ZNF385D: variants seen among roughly 807,000 people sequenced by gnomAD.
ZNF385D encodes the protein zinc finger protein 385D.
A neutral mutation model predicts 35.8 loss-of-function variants in ZNF385D; 15 were observed. The observed-to-expected ratio is 0.42, with a 90% CI of 0.28 to 0.64. The LOEUF (loss-of-function observed/expected upper bound fraction) is 0.64, where lower values mean the gene tolerates loss of function less well. Among genes scored for constraint, ZNF385D ranks in the 30% least tolerant of loss-of-function variants. The pLI, the probability that ZNF385D is intolerant of heterozygous loss-of-function variation, is 0.23. For synonymous variants in ZNF385D, 212 were observed against 186.8 expected (o/e 1.13, Z -1.10); for missense variants, 474 against 494.6 (o/e 0.96, Z 0.39).
At chr3:22,002,724 T>G (rs1695931587) in intron 3 of ZNF385D, among the ~76,000 whole-genome samples, 1 of 151,982 alleles carries the variant, frequency 6.6e-6, no homozygotes, top group Non-Finnish European at 1.5e-5. Flanking sequence ...CAACAACACT[T>G]CAAAAGATAA....
intron 3 of ZNF385D, among the ~76,000 whole-genome samples, chr3:21,788,399 A>G (rs763892007): frequency 3.0e-4 from 45 of 151,964 alleles, no homozygotes; most frequent in Non-Finnish European, 4.7e-4. Context: ...AATCGTTTAA[A>G]CCTGGGAGGC....
intron 3 of ZNF385D, among the ~76,000 whole-genome samples, chr3:21,834,709 C>A (rs773996058): frequency 1.3e-5 from 2 of 152,090 alleles, no homozygotes. Flanking sequence ...GTGTCCCCAC[C>A]CAAATCTCAT....
intron 2 of ZNF385D, among the ~76,000 whole-genome samples, chr3:21,609,988 T>C (rs2064618362): frequency 6.6e-6 from 1 of 152,186 alleles, no homozygotes; most frequent in Non-Finnish European, 1.5e-5. Flanking sequence ...CCACTTTTCT[T>C]AAACTAAGCC....
intron 3 of ZNF385D, among the ~76,000 whole-genome samples, chr3:21,760,795 A>C (rs2070573114): frequency 6.6e-6 from 1 of 152,242 alleles, no homozygotes; most frequent in Non-Finnish European, 1.5e-5. Context: ...AGAACAAAGC[A>C]AATGATAATT....
intron 1 of ZNF385D, among the ~76,000 whole-genome samples, chr3:21,710,493 C>G (rs191470670): frequency 6.6e-6 from 1 of 152,090 alleles, no homozygotes; most frequent in African/African-American, 2.4e-5. Context: ...TTTTCATAAT[C>G]CTCCATAACC....
At position 22,044,316 on chromosome 3, in the gene ZNF385D, C is replaced by T. The variant is rs1698852907; in HGVS notation, c.325+124501G>A. Among the ~76,000 whole-genome samples the T allele has an allele frequency of 3.3e-5, 5 of 152,074 alleles. No individual in the cohort carries two copies. The South Asian group carries it at 1.0e-3, about 32-fold the overall frequency. Reference sequence around the variant, plus strand: ...TGAATTAATTGGCAGTATTTTAAAACGATTTCTCTAATGTTTAGTACATGT... The same window carrying T: ...TGAATTAATTGGCAGTATTTTAAAATGATTTCTCTAATGTTTAGTACATGT... On this transcript the variant is annotated intron_variant, in intron 3 of 5. Coordinates refer to the ZNF385D transcript ENST00000494108.
intron 2 of ZNF385D, among the ~76,000 whole-genome samples, chr3:22,318,013 A>C (rs1703993373): frequency 6.6e-6 from 1 of 151,782 alleles, no homozygotes; most frequent in African/African-American, 2.4e-5. Context: ...GAGCATTACC[A>C]CGCTACTGCA....
intron 3 of ZNF385D, among the ~76,000 whole-genome samples, chr3:22,138,961 A>C (rs1007519164): frequency 1.3e-5 from 2 of 152,240 alleles, no homozygotes; most frequent in African/African-American, 4.8e-5. Flanking sequence ...GAACTCCAAC[A>C]AATTTACAAG....
intron 2 of ZNF385D, among the ~76,000 whole-genome samples, chr3:22,182,353 C>T (rs1695335476): frequency 6.6e-6 from 1 of 152,070 alleles, no homozygotes; most frequent in Non-Finnish European, 1.5e-5. Context: ...AGCTGTATCC[C>T]TAATCCCAAA....
intron 3 of ZNF385D, among the ~76,000 whole-genome samples, chr3:22,021,500 C>T (rs1245056111): frequency 1.3e-5 from 2 of 152,080 alleles, no homozygotes; most frequent in Non-Finnish European, 2.9e-5. Flanking sequence ...TGAATCCTGA[C>T]TCCACCGCTA....
intron 3 of ZNF385D, among the ~76,000 whole-genome samples, chr3:21,844,100 A>G (rs1339489732): frequency 6.6e-6 from 1 of 151,962 alleles, no homozygotes; most frequent in Non-Finnish European, 1.5e-5. Context: ...GAGATATTTA[A>G]CATATATTTT....
chr3:21,995,322 A>G lies in ZNF385D; in HGVS notation c.325+173495T>C, dbSNP rs1209605659. Among the ~76,000 whole-genome samples the G allele has an allele frequency of 3.9e-5, 6 of 152,310 alleles. No individual in the cohort carries two copies. The East Asian group carries it at 7.8e-4, about 20-fold the overall frequency. On this transcript the variant is annotated intron_variant, in intron 3 of 5. Coordinates refer to the ZNF385D transcript ENST00000494108. Reference sequence around the variant, plus strand: ...TCAATTCCCAGGCCCCCATCAGTGCACAAAGGCACTGGTAAGGGAGCACCT... The same window carrying G: ...TCAATTCCCAGGCCCCCATCAGTGCGCAAAGGCACTGGTAAGGGAGCACCT...
intron 3 of ZNF385D, among the ~76,000 whole-genome samples, chr3:22,117,612 TA>T (rs1194755258): frequency 2.6e-5 from 4 of 152,002 alleles, no homozygotes; most frequent in African/African-American, 9.7e-5. Context: ...CTTTTAACTT[TA>T]AATTAGACTT....
chr3:21,636,356 ATATATGATTATATATATATGAT>A (rs1433441133), intron 2 of ZNF385D, among the ~76,000 whole-genome samples: 29 of 135,774 alleles, frequency 2.1e-4, no homozygotes, highest in Non-Finnish European at 3.3e-4. Flanking sequence ...ATATATGATT[ATATATGATTATATATATATGAT>A]TATATATATA....
At chr3:22,156,061 A>T (rs1193698451) in intron 3 of ZNF385D, among the ~76,000 whole-genome samples, 1 of 152,114 alleles carries the variant, frequency 6.6e-6, no homozygotes, top group African/African-American at 2.4e-5. Context: ...ATCCTAACAC[A>T]TATGTGACTT....
chr3:21,458,082 A>T (rs1448840423), intron 4 of ZNF385D, among the ~76,000 whole-genome samples: 1 of 152,126 alleles, frequency 6.6e-6, no homozygotes, highest in Non-Finnish European at 1.5e-5. Flanking sequence ...TGAGATTAAA[A>T]CTAGCAATGC....
intron 3 of ZNF385D, among the ~76,000 whole-genome samples, chr3:22,156,478 A>G (rs969405304): frequency 6.6e-6 from 1 of 152,094 alleles, no homozygotes; most frequent in African/African-American, 2.4e-5. Context: ...GTTTAGAGAG[A>G]GAGAGAACGC....
intron 4 of ZNF385D, among the ~76,000 whole-genome samples, chr3:21,455,047 C>A (rs1270619689): frequency 6.6e-6 from 1 of 152,074 alleles, no homozygotes; most frequent in African/African-American, 2.4e-5. Context: ...AGGACCTCTT[C>A]AAGGAGAACT....
At chr3:22,311,918 A>C (rs891822167) in intron 2 of ZNF385D, among the ~76,000 whole-genome samples, 1 of 152,134 alleles carries the variant, frequency 6.6e-6, no homozygotes, top group Admixed American at 6.6e-5. Flanking sequence ...TCTGATGAAG[A>C]ATGTTCAGTC....
Sources: gnomAD v4.1 joint callset for allele counts (sites outside exome capture counted in the v4.1 genomes callset) on GRCh38, gnomAD v4.1.1 for gene constraint, MANE v1.5 for transcripts, NCBI Gene and HGNC (gene_info 2026-07-23, HGNC 2026-07-21) for gene names.